Variants in STK32B observed in about 807,000 individuals in gnomAD.
STK32B encodes serine/threonine-protein kinase 32B.
In STK32B, 43 loss-of-function variants were observed where a neutral mutation model predicts 52.6. The observed-to-expected ratio is 0.82, with a 90% confidence interval of 0.64 to 1.05. The LOEUF is 1.05. Among genes scored for constraint, STK32B ranks in the 50% least tolerant of loss-of-function variants. The pLI is 0.00. For synonymous variants in STK32B, 238 were observed against 204.3 expected, an observed-to-expected ratio of 1.17 and a Z score of -1.41; for missense variants, 621 against 534.6, an observed-to-expected ratio of 1.16 and a Z score of -1.59.
intron 3 of STK32B, among the ~76,000 whole-genome samples, chr4:5,315,472 T>G (rs1353831650): frequency 6.6e-6 from 1 of 151,800 alleles, no homozygotes; most frequent in Non-Finnish European, 1.5e-5. Context: ...AAGTAATTAA[T>G]ATGCATAAAC....
At chr4:5,347,752 A>G (rs746600968) in intron 4 of STK32B, among the ~76,000 whole-genome samples, 4 of 152,070 alleles carry the variant, frequency 2.6e-5, no homozygotes, top group Non-Finnish European at 5.9e-5. Context: ...TTCTCACAAG[A>G]TCTGATAGTT....
At chr4:5,178,904 C>T (rs1720134613) in intron 3 of STK32B, among the ~76,000 whole-genome samples, 1 of 152,214 alleles carries the variant, frequency 6.6e-6, no homozygotes, top group South Asian at 2.1e-4. Context: ...CTGAGCCCTC[C>T]AATCTGTTGC....
At chr4:5,340,408 C>T (rs186570003) in intron 4 of STK32B, among the ~76,000 whole-genome samples, 1 of 152,330 alleles carries the variant, frequency 6.6e-6, no homozygotes, top group African/African-American at 2.4e-5. Context: ...AAAAGGAATG[C>T]AGAAGGCACT....
intron 11 of STK32B, among the ~76,000 whole-genome samples, chr4:5,485,876 T>A (rs1254828935): frequency 6.6e-6 from 1 of 152,148 alleles, no homozygotes; most frequent in Non-Finnish European, 1.5e-5. Context: ...TGCCTGGGTA[T>A]CAGCAGCGAA....
intron 5 of STK32B, among the ~76,000 whole-genome samples, chr4:5,413,491 A>G (rs1711883379): frequency 6.6e-6 from 1 of 152,188 alleles, no homozygotes; most frequent in African/African-American, 2.4e-5. Context: ...AGTTCTAGGG[A>G]ATCATATCCA....
intron 3 of STK32B, among the ~76,000 whole-genome samples, chr4:5,230,311 T>A (rs1272323911): frequency 6.7e-6 from 1 of 148,212 alleles, no homozygotes; most frequent in Admixed American, 6.9e-5. Flanking sequence ...TGTCTCAGCC[T>A]CCAGAGTAGC....
At chr4:5,109,211 T>C (rs973675718) in intron 1 of STK32B, among the ~76,000 whole-genome samples, 1 of 152,212 alleles carries the variant, frequency 6.6e-6, no homozygotes, top group African/African-American at 2.4e-5. Flanking sequence ...CCAGGTGTCA[T>C]GCGCAGCTGC....
At chr4:5,454,611 A>G (rs1223089186) in intron 7 of STK32B, among the ~76,000 whole-genome samples, 1 of 152,022 alleles carries the variant, frequency 6.6e-6, no homozygotes, top group Non-Finnish European at 1.5e-5. Flanking sequence ...GGGGGACACA[A>G]TTTCCCCTGT....
the STK32B span, among the ~76,000 whole-genome samples, chr4:5,031,628 A>C: frequency 6.6e-6 from 1 of 152,110 alleles, no homozygotes; most frequent in Admixed American, 6.6e-5. Flanking sequence ...TCTGTTCTCC[A>C]TTATAAATTT....
chr4:5,491,905 T>G (rs1719766615), intron 11 of STK32B, among the ~76,000 whole-genome samples: 1 of 152,216 alleles, frequency 6.6e-6, no homozygotes, highest in Admixed American at 6.5e-5. Context: ...GCGGAGTTAT[T>G]TCTGAGGGCT....
chr4:5,469,481 G>C lies in STK32B; in HGVS notation c.1106+1411G>C, dbSNP rs78579360. ...GTAGGAAAAGTGCACAGAGAAGGAA[G>C]ACAGCATGGCTGCCGCAGGGCCTAG... On this transcript the variant is annotated intron_variant, in intron 11 of 11. Transcript: ENST00000282908. The surrounding 1 kb of genome is among the most constrained non-coding windows in gnomAD (Gnocchi z 4.7). Among the ~76,000 whole-genome samples the C allele has an allele frequency of 0.016, 2,371 of 152,282 alleles. 64 individuals are homozygous for C. The highest frequency in any genetic ancestry group is 0.053 in the African/African-American group (2,207 of 41,560).
Position 5,386,771 on chromosome 4 carries a change from G to A in STK32B, c.435-11436G>A, listed in dbSNP as rs143264355. On this transcript the variant is annotated intron_variant, in intron 4 of 11. Transcript: ENST00000282908. The surrounding 1 kb of genome is among the most constrained non-coding windows in gnomAD (Gnocchi z 4.5). The stretch of plus-strand genomic sequence containing the variant: ...ATCTGGAAAATGACCAGGTCGTTCC[G>A]GGTGGTGGCTGGACCCTCCATTGGG... Among the ~76,000 whole-genome samples, 6 of 152,312 alleles carry A rather than the reference G, an allele frequency of 3.9e-5. No individual in the cohort carries two copies. The highest frequency in any genetic ancestry group is 6.5e-5 in the Admixed American group (1 of 15,300).
In STK32B at chr4:5,236,636, G is replaced by C. The variant is rs28439179; in HGVS notation, c.260+68186G>C. ...CCGTGCCTGGCACACAGAACAAAGT[G>C]ACAAGGGTCTTTGGCTTACTTTGTT... On this transcript the variant is annotated intron_variant, in intron 3 of 11. Transcript: ENST00000282908. 3.5e-3 allele frequency among the ~76,000 whole-genome samples: 529 copies of C among 152,338 alleles called. 4 individuals carry two copies. Among genetic ancestry groups the C allele is most frequent in the Middle Eastern group, 0.017 (5 of 294 alleles).
At chr4:5,277,350 A>C (rs192097796) in intron 3 of STK32B, among the ~76,000 whole-genome samples, 6 of 151,626 alleles carry the variant, frequency 4.0e-5, no homozygotes, top group East Asian at 1.9e-4. Flanking sequence ...CATTTCCAGA[A>C]CAAGAAAGCT....
intron 3 of STK32B, among the ~76,000 whole-genome samples, chr4:5,176,168 G>C (rs994848144): frequency 6.6e-6 from 1 of 152,200 alleles, no homozygotes; most frequent in African/African-American, 2.4e-5. Context: ...TATTAGGGTG[G>C]GAGTGACCCG....
intron 1 of STK32B, among the ~76,000 whole-genome samples, chr4:5,126,034 T>A (rs374397439): frequency 6.6e-6 from 1 of 152,126 alleles, no homozygotes; most frequent in East Asian, 1.9e-4. Flanking sequence ...CTGAATTGCT[T>A]CTACACCTCG....
chr4:5,179,713 G>A (rs1467168470), intron 3 of STK32B, among the ~76,000 whole-genome samples: 2 of 151,882 alleles, frequency 1.3e-5, no homozygotes, highest in South Asian at 4.1e-4. Flanking sequence ...ACAGGGGTCA[G>A]GAGTTATTTT....
At chr4:5,070,593 C>T (rs1359853059) in intron 1 of STK32B, among the ~76,000 whole-genome samples, 2 of 152,102 alleles carry the variant, frequency 1.3e-5, no homozygotes, top group Admixed American at 6.6e-5. Context: ...ACAGGATAAT[C>T]AAATTAAAAT....
chr4:5,090,650 A>G (rs550371510), intron 1 of STK32B, among the ~76,000 whole-genome samples: 195 of 152,226 alleles, frequency 1.3e-3, no homozygotes, highest in African/African-American at 4.4e-3. Flanking sequence ...GGCATGAGCT[A>G]CTACTCCTGG....
Sources: allele counts gnomAD v4.1 joint callset (sites outside exome capture counted in the v4.1 genomes callset), GRCh38; gene constraint gnomAD v4.1.1; non-coding constraint Gnocchi (gnomAD v3.1); transcripts MANE v1.5; gene names NCBI Gene and HGNC (gene_info 2026-07-23, HGNC 2026-07-21).